Variants in KDM1A observed in about 807,000 individuals in gnomAD.
KDM1A encodes lysine-specific histone demethylase 1A.
Under a neutral mutation model 109.4 loss-of-function variants are expected in KDM1A, and 49 were observed. That is an observed-to-expected ratio of 0.45 (90% CI 0.36 to 0.57). KDM1A has a LOEUF of 0.57. Ranked by LOEUF, KDM1A falls within the 20% of genes least tolerant of loss-of-function variation. KDM1A has a pLI of 0.00. For synonymous variants in KDM1A, 380 were observed against 415.4 expected, an observed-to-expected ratio of 0.91 and a Z score of 1.04; for missense variants, 668 against 1,116.6, an observed-to-expected ratio of 0.60 and a Z score of 5.73.
chr1:23,049,018 G>A (rs921143550), intron 3 of KDM1A, among the ~76,000 whole-genome samples: 3 of 151,696 alleles, frequency 2.0e-5, no homozygotes, highest in Non-Finnish European at 2.9e-5. Context: ...CAGGCATGGT[G>A]GTGCATGCCT....
At chr1:23,047,650 C>G (rs148217838) in intron 3 of KDM1A, among the ~76,000 whole-genome samples, 4 of 152,218 alleles carry the variant, frequency 2.6e-5, no homozygotes, top group Non-Finnish European at 5.9e-5. Context: ...TCCTGTAATC[C>G]TAGCACTTTG....
At position 23,062,147 on chromosome 1, in the gene KDM1A, T is replaced by C. The variant is rs142620644; in HGVS notation, c.1167+2980T>C. 2.7e-3 allele frequency among the ~76,000 whole-genome samples: 407 copies of C among 152,332 alleles called. 4 individuals are homozygous for C. The highest frequency in any genetic ancestry group is 9.1e-3 in the African/African-American group (377 of 41,568). ...CCTAAGGTTATCATAATCAGTAAGTTGAAGAGCCAGAATCCATTGCCTGGT... is the reference window on the plus strand; with the variant it reads ...CCTAAGGTTATCATAATCAGTAAGTCGAAGAGCCAGAATCCATTGCCTGGT... On this transcript the variant is annotated intron_variant, in intron 9 of 20. Transcript: ENST00000400181.
At chr1:23,021,519 C>A (rs535378692) in intron 1 of KDM1A, among the ~76,000 whole-genome samples, 1 of 152,092 alleles carries the variant, frequency 6.6e-6, no homozygotes, top group African/African-American at 2.4e-5. Flanking sequence ...AAAAAATTAG[C>A]CGGGCGTGGT....
chr1:23,064,537 G>T (rs1356882093), intron 9 of KDM1A, among the ~76,000 whole-genome samples: 2 of 152,188 alleles, frequency 1.3e-5, no homozygotes, highest in Non-Finnish European at 2.9e-5. Flanking sequence ...ATTCTGCTCT[G>T]CTGCTGTAGA....
At chr1:23,061,465 C>T (rs1166122346) in intron 9 of KDM1A, among the ~76,000 whole-genome samples, 1 of 152,092 alleles carries the variant, frequency 6.6e-6, no homozygotes, top group Non-Finnish European at 1.5e-5. Flanking sequence ...TAAGTTGATA[C>T]ATTTGTATTT....
At chr1:23,030,748 T>C in intron 2 of KDM1A, 114 bp downstream of exon 2, 1 of 1,098,284 alleles carries the variant, frequency 9.1e-7, no homozygotes, top group Non-Finnish European at 1.3e-6. Flanking sequence ...TAATAAAGTC[T>C]GATATTGAGT....
In KDM1A at chr1:23,079,150, A is replaced by C. The variant is rs1448269423; in HGVS notation, c.2028A>C (p.Gln676His). 15 of 1,614,018 alleles carry C rather than the reference A, an allele frequency of 9.3e-6. No individual in the cohort carries two copies. Among genetic ancestry groups the C allele is most frequent in the Non-Finnish European group, 1.2e-5 (14 of 1,180,010 alleles). ...PLPEWKTSAV[Q>H]RMGFGNLNKV... is the part of the protein sequence containing the mutation. ...CTGAGTGGAAAACATCTGCAGTCCA[A>C]AGGATGGGATTTGGCAACCTTAACA... Residue 676 changes from glutamine to histidine, a missense_variant, in exon 17 of 21, where the codon CAA becomes CAC. By Grantham distance (24) the Gln-to-His change is conservative. Transcript: ENST00000400181. The surrounding 1 kb of genome is among the most constrained non-coding windows in gnomAD (Gnocchi z 5.6).
At chr1:23,024,727 A>C (rs1335426746) in intron 1 of KDM1A, among the ~76,000 whole-genome samples, 1 of 152,264 alleles carries the variant, frequency 6.6e-6, no homozygotes, top group Non-Finnish European at 1.5e-5. Flanking sequence ...GGCAGAATTT[A>C]GAAAAGTGTT....
chr1:23,048,997 A>G (rs1246651352), intron 3 of KDM1A, among the ~76,000 whole-genome samples: 1 of 151,760 alleles, frequency 6.6e-6, no homozygotes, highest in Non-Finnish European at 1.5e-5. Context: ...AAGAATACAA[A>G]AAACATTAGC....
chr1:23,057,603 C>A (rs1429254581), intron 8 of KDM1A, 38 bp downstream of exon 8: 2 of 1,439,184 alleles, frequency 1.4e-6, no homozygotes, highest in Admixed American at 1.8e-5. Flanking sequence ...AGTACATGGT[C>A]TAAGACTCAT....
chr1:23,049,152 C>A (rs1286038125), intron 3 of KDM1A, among the ~76,000 whole-genome samples: 373 of 75,084 alleles, frequency 5.0e-3, no homozygotes, highest in South Asian at 0.019. Flanking sequence ...GACTCCCTCT[C>A]AAAAAAAAAA....
rs570028825 is a variant in KDM1A, at chr1:23,045,239, C to T, written c.577+753C>T. Reference sequence around the variant, plus strand: ...GTTGCTCAAAGCTGGTTTATAGATACGTTTTGATAGAATTGGAATAGGCAC... The same window carrying T: ...GTTGCTCAAAGCTGGTTTATAGATATGTTTTGATAGAATTGGAATAGGCAC... On this transcript the variant is annotated intron_variant, in intron 3 of 20. Coordinates refer to ENST00000400181, the MANE Select transcript of KDM1A (RefSeq NM_001009999.3). Among the ~76,000 whole-genome samples the T allele has an allele frequency of 6.6e-5, 10 of 152,240 alleles. No homozygotes were observed. In the South Asian group the frequency reaches 8.3e-4, roughly 13 times the overall value.
chr1:23,027,645 G>T (rs1274606049), intron 1 of KDM1A, among the ~76,000 whole-genome samples: 1 of 150,840 alleles, frequency 6.6e-6, no homozygotes, highest in Admixed American at 6.6e-5. Flanking sequence ...GGCTGGTCTA[G>T]AAGTGGGCTC....
chr1:23,078,265 A>G (rs995040601), intron 16 of KDM1A, among the ~76,000 whole-genome samples: 7 of 152,218 alleles, frequency 4.6e-5, no homozygotes, highest in African/African-American at 1.7e-4. Context: ...AGCCTTTTGC[A>G]GGCAGACGGA....
At chr1:23,047,922 C>A (rs868502421) in intron 3 of KDM1A, among the ~76,000 whole-genome samples, 18 of 144,608 alleles carry the variant, frequency 1.2e-4, no homozygotes, top group African/African-American at 4.1e-4. Context: ...AAAAAAAAAA[C>A]ATCTGTAGTG....
chr1:23,021,767 A>G (rs560984085), intron 1 of KDM1A, among the ~76,000 whole-genome samples: 2 of 152,358 alleles, frequency 1.3e-5, no homozygotes, highest in South Asian at 4.1e-4. Context: ...ACAAGATTGT[A>G]CAGCCAACAC....
chr1:23,066,735 A>T (rs1428472657), intron 10 of KDM1A, among the ~76,000 whole-genome samples: 2 of 152,218 alleles, frequency 1.3e-5, no homozygotes, highest in Non-Finnish European at 1.5e-5. Context: ...TTAAGGTCTC[A>T]TAACTACCTA....
chr1:23,057,611 CAT>C (rs758334938), intron 8 of KDM1A, 46 bp downstream of exon 8: 2 of 1,396,176 alleles, frequency 1.4e-6, no homozygotes, highest in Non-Finnish European at 2.0e-6. Flanking sequence ...GTCTAAGACT[CAT>C]AAAAGAAATT....
intron 8 of KDM1A, among the ~76,000 whole-genome samples, chr1:23,058,234 A>G (rs1178668608): frequency 6.6e-6 from 1 of 152,038 alleles, no homozygotes; most frequent in Non-Finnish European, 1.5e-5. Context: ...CTATATTGCC[A>G]GGCTGATCTG....
Sources: gnomAD v4.1 joint callset for allele counts (sites outside exome capture counted in the v4.1 genomes callset) on GRCh38, gnomAD v4.1.1 for gene constraint, Gnocchi (gnomAD v3.1) non-coding constraint, MANE v1.5 for transcripts, NCBI Gene and HGNC (gene_info 2026-07-23, HGNC 2026-07-21) for gene names.